Variants in EML6 observed in about 807,000 individuals in gnomAD.
The protein encoded by EML6 is EMAP like 6.
Under a neutral mutation model 240.1 loss-of-function variants are expected in EML6, and 154 were observed. The ratio of observed to expected loss-of-function variants is 0.64; its 90% CI spans 0.56 to 0.73. The LOEUF (loss-of-function observed/expected upper bound fraction) is 0.73. EML6 is among the 30% of genes least tolerant of loss of function. EML6 has a pLI of 0.00. For synonymous variants in EML6, 1,148 were observed against 899.0 expected (o/e 1.28, Z -4.95); for missense variants, 2,964 against 2,474.6 (o/e 1.20, Z -4.20).
At chr2:54,932,574 C>T (rs1025063019) in intron 28 of EML6, among the ~76,000 whole-genome samples, 3 of 152,152 alleles carry the variant, frequency 2.0e-5, no homozygotes, top group African/African-American at 7.2e-5. Context: ...ATAATGTACT[C>T]TTTTGTCCAT....
At chr2:54,929,252 G>A (rs903363098) in intron 28 of EML6, among the ~76,000 whole-genome samples, 1 of 152,158 alleles carries the variant, frequency 6.6e-6, no homozygotes, top group Non-Finnish European at 1.5e-5. Flanking sequence ...TTGTCCAGGT[G>A]GGTTTGGCAT....
intron 25 of EML6, among the ~76,000 whole-genome samples, chr2:54,914,948 C>A (rs1673831101): frequency 6.6e-6 from 1 of 152,182 alleles, no homozygotes; most frequent in Admixed American, 6.5e-5. Context: ...GAGCAAACCT[C>A]CCCCTTCGGC....
rs1376601912 is a variant in EML6 at position 54,962,595 on chromosome 2, C to G, written c.5041C>G (p.Leu1681Val). ...VGEKNAASNI[L>V]IDGHMEGEIW... ...TGAAAAAAATGCTGCTTCTAACATCCTGATTGATGGTCACATGGAAGGGGA... is the reference window on the plus strand; with the variant it reads ...TGAAAAAAATGCTGCTTCTAACATCGTGATTGATGGTCACATGGAAGGGGA... The change falls in exon 36 of 42, where the codon CTG becomes GTG. Residue 1681 changes from leucine (L) to valine (V), a missense_variant. Coordinates refer to ENST00000356458, the MANE Select transcript of EML6 (RefSeq NM_001039753.4). 6.5e-7 allele frequency: 1 copy of G among 1,549,586 alleles called. No homozygotes were observed.
chr2:54,796,852 G>A (rs1033631699), intron 2 of EML6, among the ~76,000 whole-genome samples: 4 of 152,030 alleles, frequency 2.6e-5, no homozygotes, highest in African/African-American at 9.7e-5. Context: ...ATTCAGACAA[G>A]GACTCCTCAC....
chr2:54,741,884 T>C (rs1683653071), intron 2 of EML6, among the ~76,000 whole-genome samples: 1 of 152,230 alleles, frequency 6.6e-6, no homozygotes, highest in African/African-American at 2.4e-5. Context: ...GCTGGAATGA[T>C]GGAGTTAGAA....
intron 2 of EML6, among the ~76,000 whole-genome samples, chr2:54,807,996 T>G: frequency 6.6e-6 from 1 of 152,254 alleles, no homozygotes; most frequent in Non-Finnish European, 1.5e-5. Context: ...TCTCATTAGA[T>G]GCACCACTCA....
chr2:54,859,871 T>G (rs1043506640), intron 12 of EML6, among the ~76,000 whole-genome samples, 170 bp downstream of exon 12: 1 of 152,138 alleles, frequency 6.6e-6, no homozygotes, highest in Admixed American at 6.5e-5. Flanking sequence ...CATGGGTCAG[T>G]TGGATAATTT....
chr2:54,803,879 C>T (rs1411989297), intron 2 of EML6, among the ~76,000 whole-genome samples: 1 of 152,194 alleles, frequency 6.6e-6, no homozygotes, highest in Admixed American at 6.5e-5. Flanking sequence ...ACTCTCCACT[C>T]ACGGACCGGG....
At chr2:54,826,955 T>C (rs898139147) in intron 5 of EML6, among the ~76,000 whole-genome samples, 1 of 151,896 alleles carries the variant, frequency 6.6e-6, no homozygotes, top group African/African-American at 2.4e-5. Context: ...GGCAGATTAC[T>C]TGAGGCCAGG....
chr2:54,961,184 G>GTTGTTGTTTTTTTTT, intron 35 of EML6, among the ~76,000 whole-genome samples: 3 of 55,424 alleles, frequency 5.4e-5, no homozygotes, highest in African/African-American at 8.1e-5. Context: ...TCAGGAAGTA[G>GTTGTTGTTTTTTTTT]TTTTTTTTTT....
chr2:54,739,017 C>T (rs1479978058), intron 2 of EML6, among the ~76,000 whole-genome samples: 1 of 152,116 alleles, frequency 6.6e-6, no homozygotes, highest in Non-Finnish European at 1.5e-5. Flanking sequence ...CCAAGGTGGG[C>T]AGATCACATG....
At chr2:54,803,860 G>A (rs559361113) in intron 2 of EML6, among the ~76,000 whole-genome samples, 6 of 152,282 alleles carry the variant, frequency 3.9e-5, no homozygotes, top group Non-Finnish European at 7.4e-5. Context: ...ACCTCTCCCT[G>A]TGGTGCTGAC....
intron 2 of EML6, among the ~76,000 whole-genome samples, chr2:54,809,490 C>G (rs1236311652): frequency 6.6e-6 from 1 of 152,132 alleles, no homozygotes. Flanking sequence ...AAAGACCTGA[C>G]CTTTTAATCT....
chr2:54,785,216 C>T, intron 2 of EML6, among the ~76,000 whole-genome samples: 1 of 149,332 alleles, frequency 6.7e-6, no homozygotes, highest in Non-Finnish European at 1.5e-5. Flanking sequence ...CACTATGTTG[C>T]CCAGACTGGA....
chr2:54,863,311 T>C (rs1294781409), intron 12 of EML6, among the ~76,000 whole-genome samples: 1 of 152,170 alleles, frequency 6.6e-6, no homozygotes, highest in Non-Finnish European at 1.5e-5. Context: ...AATAGAAATG[T>C]GTAAATGACC....
At chr2:54,948,039 G>A (rs1289664061) in intron 28 of EML6, among the ~76,000 whole-genome samples, 3 of 152,130 alleles carry the variant, frequency 2.0e-5, no homozygotes, top group African/African-American at 4.8e-5. Context: ...TGCATATCCC[G>A]GGAGCAATAA....
intron 16 of EML6, among the ~76,000 whole-genome samples, chr2:54,879,276 C>T (rs1671692808): frequency 6.6e-6 from 1 of 152,204 alleles, no homozygotes; most frequent in Admixed American, 6.5e-5. Flanking sequence ...TTAGGAAGCT[C>T]GGCTATCTCT....
intron 5 of EML6, among the ~76,000 whole-genome samples, chr2:54,822,139 T>TCATA (rs1668362781): frequency 1.3e-5 from 2 of 152,140 alleles, no homozygotes; most frequent in Non-Finnish European, 2.9e-5. Flanking sequence ...GAAACACTGT[T>TCATA]GGCCAATAGA....
At chr2:54,914,032 C>A (rs1673777038) in intron 25 of EML6, among the ~76,000 whole-genome samples, 1 of 152,154 alleles carries the variant, frequency 6.6e-6, no homozygotes, top group South Asian at 2.1e-4. Context: ...ATACCAGTAC[C>A]AGTCTGTTTT....
Sources: allele counts gnomAD v4.1 joint callset (sites outside exome capture counted in the v4.1 genomes callset), GRCh38; gene constraint gnomAD v4.1.1; transcripts MANE v1.5; gene names NCBI Gene and HGNC (gene_info 2026-07-23, HGNC 2026-07-21).